The following NCOA2 variants were observed in gnomAD, a reference collection of about 807,000 sequenced individuals.
NCOA2 encodes nuclear receptor coactivator 2.
NCOA2 carries 21 observed loss-of-function variants against 145.1 expected under a neutral mutation model. The observed-to-expected ratio is 0.14, with a 90% confidence interval of 0.10 to 0.21. The LOEUF is 0.21. NCOA2 is among the 10% of genes least tolerant of loss of function. The pLI, the probability that NCOA2 is intolerant of heterozygous loss-of-function variation, is 1.00. For synonymous variants in NCOA2, 619 were observed against 637.5 expected (o/e 0.97, Z 0.44); for missense variants, 1,472 against 1,837.6 (o/e 0.80, Z 3.64).
rs57813061 is a variant in NCOA2 at position 70,133,200 on chromosome 8, C to CTTTTTTTTTTTTTTTTTTT, written c.3159-1217_3159-1199dup. Among the ~76,000 whole-genome samples the CTTTTTTTTTTTTTTTTTTT allele has an allele frequency of 5.6e-5, 6 of 106,966 alleles. 2 individuals carry two copies. The highest frequency in any genetic ancestry group is 2.4e-4 in the African/African-American group (6 of 24,854). 70.2% of individuals were successfully genotyped at this position (106,966 alleles called of 152,430 possible). A position where few individuals can be genotyped will look rare whatever the true frequency, so the allele number is the denominator to read the frequency against. On this transcript the variant is annotated intron_variant, in intron 15 of 22. Transcript: ENST00000452400. ...TGTGTGCCACCACAACTGGCTGCTA[C>CTTTTTTTTTTTTTTTTTTT]TTTTTTTTTTTTTTTTTTTTGGTAA...
chr8:70,173,980 A>G (rs924016635), intron 5 of NCOA2, among the ~76,000 whole-genome samples: 2 of 152,152 alleles, frequency 1.3e-5, no homozygotes, highest in East Asian at 1.9e-4. Flanking sequence ...AGTCTTTTCA[A>G]CCTCATCGTA....
intron 1 of NCOA2, among the ~76,000 whole-genome samples, chr8:70,334,340 A>T (rs1038201814): frequency 1.3e-5 from 2 of 152,112 alleles, no homozygotes; most frequent in African/African-American, 4.8e-5. Context: ...CTGTCTTCCC[A>T]CACTTTAAGC....
intron 10 of NCOA2, among the ~76,000 whole-genome samples, chr8:70,159,236 A>ATATATG (rs1554578477): frequency 0.11 from 1,690 of 16,044 alleles, 149 homozygotes; most frequent in African/African-American, 0.21. Context: ...ATATATATAT[A>ATATATG]TATATATTTT....
chr8:70,368,796 CTTTGGGT>C (rs1810939817), intron 1 of NCOA2, among the ~76,000 whole-genome samples: 1 of 152,124 alleles, frequency 6.6e-6, no homozygotes, highest in Non-Finnish European at 1.5e-5. Flanking sequence ...TAAGGGTGCC[CTTTGGGT>C]ACTGACAGAA....
chr8:70,174,954 T>C lies in NCOA2; in HGVS notation c.260-95A>G, dbSNP rs142752011. The C allele has an allele frequency of 1.3e-4, 153 of 1,139,238 alleles. No individual in the cohort carries two copies. The Middle Eastern group carries it at 2.1e-3, about 16-fold the overall frequency. 70.6% of individuals were successfully genotyped at this position (1,139,238 alleles called of 1,614,324 possible). On this transcript the variant is annotated intron_variant, in intron 4 of 22. Transcript: ENST00000452400. ...TACTGTAATGATTTTTAAAAATCTC[T>C]AGTGGGATCAGATGCAGCTACAAAA...
intron 2 of NCOA2, among the ~76,000 whole-genome samples, chr8:70,225,648 G>T (rs935939851): frequency 2.0e-5 from 3 of 152,072 alleles, no homozygotes; most frequent in African/African-American, 4.8e-5. Flanking sequence ...GATGGGGTGA[G>T]GGATACTATT....
At chr8:70,190,958 C>T (rs749174734) in intron 4 of NCOA2, among the ~76,000 whole-genome samples, 12 of 151,964 alleles carry the variant, frequency 7.9e-5, no homozygotes, top group Non-Finnish European at 1.8e-4. Flanking sequence ...GTGGAGGATA[C>T]TTTGGTAAGG....
chr8:70,286,169 T>C (rs1826216767), intron 2 of NCOA2, among the ~76,000 whole-genome samples: 1 of 152,150 alleles, frequency 6.6e-6, no homozygotes, highest in Non-Finnish European at 1.5e-5. Flanking sequence ...TCCCAGTGCT[T>C]TGGGAGGCTG....
Position 70,283,880 on chromosome 8 carries a change from T to G in NCOA2, c.-20+12864A>C, listed in dbSNP as rs1826055463. On this transcript the variant is annotated intron_variant, in intron 2 of 22. Coordinates refer to ENST00000452400, the MANE Select transcript of NCOA2 (RefSeq NM_006540.4). ...GTTGGTGCTCAAAAAGTTGAGATTT[T>G]GGAGGATTTCAGATATGGGATGCTC... Among the ~76,000 whole-genome samples, 2 of 152,232 alleles carry G rather than the reference T, an allele frequency of 1.3e-5. 1 individual carries two copies. The highest frequency in any genetic ancestry group is 4.1e-4 in the South Asian group (2 of 4,830).
chr8:70,363,245 T>C (rs1024221697), intron 1 of NCOA2, among the ~76,000 whole-genome samples: 5 of 151,764 alleles, frequency 3.3e-5, no homozygotes, highest in Admixed American at 6.6e-5. Context: ...TAGCCGGACG[T>C]GGTGGCGGGC....
intron 1 of NCOA2, among the ~76,000 whole-genome samples, chr8:70,322,693 T>C (rs977654168): frequency 3.3e-4 from 51 of 152,274 alleles, no homozygotes; most frequent in Admixed American, 2.6e-3. Context: ...ATTTGTAAAA[T>C]AATAATACAA....
intron 2 of NCOA2, chr8:70,273,464 C>T (rs973054031): frequency 9.5e-6 from 6 of 628,676 alleles, no homozygotes; most frequent in African/African-American, 9.3e-5. Context: ...GAAGGTGGTT[C>T]ACAGAACAGC....
chr8:70,244,753 C>T (rs190163538), intron 2 of NCOA2, among the ~76,000 whole-genome samples: 16 of 151,294 alleles, frequency 1.1e-4, no homozygotes, highest in African/African-American at 3.6e-4. Flanking sequence ...TTCCTACAAA[C>T]AAGCGTGACA....
the NCOA2 span, among the ~76,000 whole-genome samples, chr8:70,429,977 C>T: frequency 2.4e-4 from 36 of 152,194 alleles, no homozygotes; most frequent in Middle Eastern, 3.4e-3. Flanking sequence ...CTCAGCCTTC[C>T]GAGCAGCAGG....
upstream of NCOA2, among the ~76,000 whole-genome samples, chr8:70,407,271 A>G (rs977126993): frequency 1.3e-5 from 2 of 152,260 alleles, no homozygotes; most frequent in Non-Finnish European, 2.9e-5. Context: ...TCCCTTAAAT[A>G]GTATAACTAC....
intron 2 of NCOA2, among the ~76,000 whole-genome samples, chr8:70,261,870 G>GA (rs1397254646): frequency 6.6e-6 from 1 of 151,890 alleles, no homozygotes; most frequent in African/African-American, 2.4e-5. Flanking sequence ...TGCTTTTATA[G>GA]AAAAAAATTT....
chr8:70,412,870 G>A, the NCOA2 span, among the ~76,000 whole-genome samples: 3 of 151,938 alleles, frequency 2.0e-5, no homozygotes, highest in African/African-American at 4.8e-5. Flanking sequence ...GGCCAAGGCA[G>A]GTAGATCACT....
At chr8:70,160,686 A>AGAGAGAGAGG (rs1554579010) in intron 9 of NCOA2, among the ~76,000 whole-genome samples, 11 of 147,902 alleles carry the variant, frequency 7.4e-5, no homozygotes, top group African/African-American at 1.9e-4. Flanking sequence ...AGAGAGGGAG[A>AGAGAGAGAGG]GAGAGAGAGA....
At chr8:70,127,323 T>C (rs1808535716) in intron 18 of NCOA2, among the ~76,000 whole-genome samples, 1 of 152,188 alleles carries the variant, frequency 6.6e-6, no homozygotes, top group South Asian at 2.1e-4. Flanking sequence ...AGGACACAAT[T>C]AACTGAAGGA....
Sources: allele counts gnomAD v4.1 joint callset (sites outside exome capture counted in the v4.1 genomes callset), GRCh38; gene constraint gnomAD v4.1.1; transcripts MANE v1.5; gene names NCBI Gene and HGNC (gene_info 2026-07-23, HGNC 2026-07-21).